The following ZBTB2 variants were observed in gnomAD, a reference collection of about 807,000 sequenced individuals.
The protein encoded by ZBTB2 is zinc finger and BTB domain-containing protein 2.
A neutral mutation model predicts 39.5 loss-of-function variants in ZBTB2; 2 were observed. The observed-to-expected ratio is 0.05, with a 90% CI of 0.02 to 0.16. The LOEUF (loss-of-function observed/expected upper bound fraction) is 0.16, where lower values mean the gene tolerates loss of function less well. Ranked by LOEUF, ZBTB2 falls within the 10% of genes least tolerant of loss-of-function variation. The pLI is 1.00. For missense variants in ZBTB2, 391 were observed against 653.0 expected, an observed-to-expected ratio of 0.60 and a Z score of 4.37; for synonymous variants, 251 against 256.6, an observed-to-expected ratio of 0.98 and a Z score of 0.21.
intron 1 of ZBTB2, among the ~76,000 whole-genome samples, chr6:151,384,767 A>T (rs895589710): frequency 1.3e-5 from 2 of 152,212 alleles, no homozygotes; most frequent in Admixed American, 1.3e-4. Flanking sequence ...GGAGCTTGGA[A>T]GTCCTGACTG....
chr6:151,375,000 G>C (rs1009040335), intron 1 of ZBTB2, among the ~76,000 whole-genome samples: 1 of 149,478 alleles, frequency 6.7e-6, no homozygotes, highest in Non-Finnish European at 1.5e-5. Context: ...GGCGCCTGTA[G>C]TCCCAGCTAC....
At chr6:151,384,275 C>G (rs1779103554) in intron 1 of ZBTB2, among the ~76,000 whole-genome samples, 1 of 152,148 alleles carries the variant, frequency 6.6e-6, no homozygotes, top group East Asian at 1.9e-4. Flanking sequence ...ATCTTAAAAG[C>G]AATGGGAAGC....
intron 1 of ZBTB2, chr6:151,378,216 G>A (rs1778958846): frequency 6.6e-6 from 1 of 152,096 alleles, no homozygotes; most frequent in African/African-American, 2.4e-5. Flanking sequence ...CAAATGTAAT[G>A]GAATAATACT....
rs148402439 is a variant in ZBTB2 at position 151,372,892 on chromosome 6, C to T, written c.173+573G>A. ...TGATCTTGCCGGGTGTGGTGGCTCA[C>T]GCCTGTAATCCCAGCACTTTGGGAG... On this transcript the variant is annotated intron_variant, in intron 2 of 2. Transcript: ENST00000325144. Among the ~76,000 whole-genome samples, 814 of 152,042 alleles carry T rather than the reference C, an allele frequency of 5.4e-3. 20 individuals carry two copies. Among genetic ancestry groups the T allele is most frequent in the South Asian group, 0.04 (194 of 4,814 alleles).
intron 1 of ZBTB2, among the ~76,000 whole-genome samples, chr6:151,385,246 T>C (rs117679558): frequency 6.6e-6 from 1 of 152,204 alleles, no homozygotes; most frequent in African/African-American, 2.4e-5. Context: ...GACATACTCA[T>C]GTTGAAAAAA....
In ZBTB2 at chr6:151,366,039, T is replaced by C; in HGVS notation, c.1027A>G (p.Ile343Val). The change falls in exon 3 of 3, where the codon ATT (isoleucine) becomes GTT (valine). Residue 343 changes from isoleucine (I) to valine (V), a missense_variant. Coordinates refer to ENST00000325144, the MANE Select transcript of ZBTB2 (RefSeq NM_020861.3). This position sits in a 1 kb window ranked among gnomAD's most constrained non-coding sequence, Gnocchi z 7.1. The stretch of plus-strand genomic sequence containing the variant: ...TGCTCCAGGTTGTCAATGTCAGCAA[T>C]GTCTGAGGGGGGTGGGGTTTCCGAC... ...QQSETPPPSDIADIDNLEQAD... is the reference protein window; with the variant it reads ...QQSETPPPSDVADIDNLEQAD... The C allele has an allele frequency of 6.2e-7, 1 of 1,614,130 alleles. No individual in the cohort carries two copies. Among genetic ancestry groups the C allele is most frequent in the Non-Finnish European group, 8.5e-7 (1 of 1,180,018 alleles).
intron 2 of ZBTB2, among the ~76,000 whole-genome samples, chr6:151,373,144 G>A (rs1476706286): frequency 9.9e-6 from 1 of 101,512 alleles, no homozygotes; most frequent in Non-Finnish European, 1.8e-5. Flanking sequence ...GACAGAGAGA[G>A]ACTCCGTCTC....
intron 2 of ZBTB2, among the ~76,000 whole-genome samples, chr6:151,367,371 T>A (rs975292037): frequency 6.6e-6 from 1 of 152,200 alleles, no homozygotes; most frequent in African/African-American, 2.4e-5. Context: ...TCAGCCCTCC[T>A]TGGCCTCCCA....
intron 1 of ZBTB2, among the ~76,000 whole-genome samples, chr6:151,377,801 T>C (rs1258877539): frequency 6.6e-6 from 1 of 152,076 alleles, no homozygotes; most frequent in Non-Finnish European, 1.5e-5. Flanking sequence ...CCCAAAGTGC[T>C]GGGATTACGG....
intron 2 of ZBTB2, among the ~76,000 whole-genome samples, chr6:151,369,076 AT>A (rs1778719911): frequency 1.3e-5 from 2 of 152,178 alleles, no homozygotes; most frequent in South Asian, 4.1e-4. Context: ...TTTGGTGTAA[AT>A]TTTGTAATTC....
At chr6:151,372,216 A>G (rs930587003) in intron 2 of ZBTB2, among the ~76,000 whole-genome samples, 1 of 152,212 alleles carries the variant, frequency 6.6e-6, no homozygotes, top group Non-Finnish European at 1.5e-5. Flanking sequence ...TTAAGAAGGA[A>G]GCAAACAACA....
rs763577195 is a variant in ZBTB2 at position 151,366,643 on chromosome 6, C to A, written c.423G>T (p.Gln141His). The A allele has an allele frequency of 6.2e-7, 1 of 1,614,080 alleles. No individual in the cohort carries two copies. The highest frequency in any genetic ancestry group is 1.1e-5 in the South Asian group (1 of 91,076). Residue 141 changes from glutamine to histidine, a missense_variant, in exon 3 of 3, where the codon CAG becomes CAT. Around this residue, in one of 7 missense-constraint regions of ZBTB2, gnomAD observed 175 missense variants for 198.6 expected, o/e 0.88. Coordinates refer to ENST00000325144, the MANE Select transcript of ZBTB2 (RefSeq NM_020861.3). This position sits in a 1 kb window ranked among gnomAD's most constrained non-coding sequence, Gnocchi z 7.1. ...SLYGIQIADH[Q>H]LRQATKIASA... is the part of the protein sequence containing the mutation. Reference sequence around the variant, plus strand: ...AAGCAATCTTGGTGGCTTGTCTCAACTGATGATCTGCAATCTGAATGCCAT... The same window carrying A: ...AAGCAATCTTGGTGGCTTGTCTCAAATGATGATCTGCAATCTGAATGCCAT...
chr6:151,375,061 G>GTGAT (rs1778879071), intron 1 of ZBTB2, among the ~76,000 whole-genome samples: 1 of 151,650 alleles, frequency 6.6e-6, no homozygotes, highest in African/African-American at 2.4e-5. Flanking sequence ...CGGAGCTTGC[G>GTGAT]GTGAGCCGAG....
At chr6:151,370,929 T>A (rs1479686740) in intron 2 of ZBTB2, among the ~76,000 whole-genome samples, 1 of 152,246 alleles carries the variant, frequency 6.6e-6, no homozygotes, top group African/African-American at 2.4e-5. Context: ...ATATCACACC[T>A]CCTTGTTAGA....
chr6:151,372,349 T>C (rs1163687279), intron 2 of ZBTB2, among the ~76,000 whole-genome samples: 1 of 151,772 alleles, frequency 6.6e-6, no homozygotes, highest in African/African-American at 2.4e-5. Flanking sequence ...CGCGCACTGA[T>C]AGGAAGAGTG....
At chr6:151,374,407 C>G (rs1037970304) in intron 1 of ZBTB2, among the ~76,000 whole-genome samples, 1 of 152,134 alleles carries the variant, frequency 6.6e-6, no homozygotes, top group Non-Finnish European at 1.5e-5. Context: ...GTACTGATTC[C>G]AAATTCTATG....
chr6:151,381,196 C>T (rs1260024610), intron 1 of ZBTB2, among the ~76,000 whole-genome samples: 1 of 152,130 alleles, frequency 6.6e-6, no homozygotes, highest in Admixed American at 6.5e-5. Flanking sequence ...AATGACCTTG[C>T]GAAAGGGCAA....
intron 1 of ZBTB2, among the ~76,000 whole-genome samples, chr6:151,390,773 TCCCTC>T (rs1192449849): frequency 2.0e-5 from 1 of 49,788 alleles, no homozygotes; most frequent in African/African-American, 7.5e-5. Flanking sequence ...CCCTCCCTCC[TCCCTC>T]CCCTCCCCCA....
intron 1 of ZBTB2, among the ~76,000 whole-genome samples, chr6:151,382,834 C>G (rs940424761): frequency 1.3e-5 from 2 of 151,894 alleles, no homozygotes; most frequent in African/African-American, 4.8e-5. Flanking sequence ...GGACTATGGG[C>G]GTGAGCCACT....
Sources: allele counts gnomAD v4.1 joint callset (sites outside exome capture counted in the v4.1 genomes callset), GRCh38; gene constraint gnomAD v4.1.1; regional missense constraint gnomAD v4.1.1; non-coding constraint Gnocchi (gnomAD v3.1); transcripts MANE v1.5; gene names NCBI Gene and HGNC (gene_info 2026-07-23, HGNC 2026-07-21).